RAP1GAP2: variants seen among roughly 807,000 people sequenced by gnomAD.
RAP1GAP2 encodes the protein RAP1 GTPase activating protein 2.
RAP1GAP2 carries 27 observed loss-of-function variants against 95.0 expected under a neutral mutation model. That is an observed-to-expected ratio of 0.28 (90% confidence interval 0.21 to 0.39). The LOEUF (loss-of-function observed/expected upper bound fraction) is 0.39. RAP1GAP2 is among the 10% of genes least tolerant of loss of function. The probability of loss-of-function intolerance (pLI) is 1.00; values close to 1 mark genes in which losing one functional copy is unlikely to be tolerated. For synonymous variants in RAP1GAP2, 373 were observed against 380.9 expected (o/e 0.98, Z 0.24); for missense variants, 771 against 970.0 (o/e 0.79, Z 2.72).
intron 20 of RAP1GAP2, 25 bp downstream of exon 20, chr17:3,026,146 C>A: frequency 6.4e-7 from 1 of 1,554,566 alleles, no homozygotes. Flanking sequence ...GTGGGAAAGG[C>A]CAGCTTCGGC....
intron 1 of RAP1GAP2, among the ~76,000 whole-genome samples, chr17:2,756,787 C>G (rs2071155987): frequency 6.6e-6 from 1 of 152,122 alleles, no homozygotes. Flanking sequence ...CAGGCACACA[C>G]TGAGAGGAAG....
chr17:2,771,226 G>A (rs952624395), intron 2 of RAP1GAP2, among the ~76,000 whole-genome samples: 1 of 151,990 alleles, frequency 6.6e-6, no homozygotes, highest in African/African-American at 2.4e-5. Flanking sequence ...TTCTTTGTCC[G>A]CCTCCTTTCC....
chr17:2,923,251 G>A (rs1451961527), intron 3 of RAP1GAP2, among the ~76,000 whole-genome samples: 12 of 151,952 alleles, frequency 7.9e-5, no homozygotes, highest in Admixed American at 7.9e-4. Flanking sequence ...TGTCGGCCAG[G>A]CTGGTCTCAA....
In RAP1GAP2 at chr17:3,006,047, A is replaced by G; in HGVS notation, c.1359+6A>G. ...ACAAGTTTGCAAAGCTGGAGGTGAG[A>G]GTGTGGTTTCTGAAGGTCTCCCTCC... On this transcript the variant is annotated splice_donor_region_variant and intron_variant, in intron 16 of 24. Transcript: ENST00000254695. The G allele has an allele frequency of 1.3e-6, 2 of 1,499,100 alleles. No individual in the cohort carries two copies. Among genetic ancestry groups the G allele is most frequent in the South Asian group, 1.1e-5 (1 of 89,282 alleles). The allele number at this position is 1,499,100 out of a possible 1,614,324, so 92.9% of individuals were successfully genotyped here.
At chr17:2,930,049 T>G (rs1174794206) in intron 3 of RAP1GAP2, among the ~76,000 whole-genome samples, 1 of 152,242 alleles carries the variant, frequency 6.6e-6, no homozygotes, top group East Asian at 1.9e-4. Flanking sequence ...GGCCATGGTG[T>G]GTCACCTGCC....
chr17:2,977,134 A>T, intron 8 of RAP1GAP2, among the ~76,000 whole-genome samples: 1 of 151,778 alleles, frequency 6.6e-6, no homozygotes, highest in South Asian at 2.1e-4. Context: ...AAAAAAAAAA[A>T]AAAGAAAAAA....
chr17:2,873,929 A>T (rs1597482422), intron 2 of RAP1GAP2, among the ~76,000 whole-genome samples: 1 of 149,402 alleles, frequency 6.7e-6, no homozygotes, highest in East Asian at 2.0e-4. Flanking sequence ...CGCCTGGCTA[A>T]TTCTGTATTT....
At chr17:2,988,016 T>C (rs1224471079) in intron 11 of RAP1GAP2, among the ~76,000 whole-genome samples, 1 of 152,214 alleles carries the variant, frequency 6.6e-6, no homozygotes, top group Non-Finnish European at 1.5e-5. Context: ...AGGCTGTTAC[T>C]GTTTGCAGAG....
intron 1 of RAP1GAP2, among the ~76,000 whole-genome samples, chr17:2,784,120 A>G (rs1198966456): frequency 2.0e-5 from 3 of 149,894 alleles, no homozygotes; most frequent in Non-Finnish European, 3.0e-5. Context: ...CTACAGGTCC[A>G]TGCCACCACG....
rs200280786 is a variant in RAP1GAP2, at chr17:2,822,638, T to G, written c.80+22088T>G. ...CCCTGTTTTTTTTTGTTTTTTTTTTTTTTTTTTTTTTTAAGAAAAGGTGGC... is the reference window on the plus strand; with the variant it reads ...CCCTGTTTTTTTTTGTTTTTTTTTTGTTTTTTTTTTTTAAGAAAAGGTGGC... On this transcript the variant is annotated intron_variant, in intron 2 of 24. Coordinates refer to ENST00000254695, the MANE Select transcript of RAP1GAP2 (RefSeq NM_015085.5). 1.3e-3 allele frequency among the ~76,000 whole-genome samples: 175 copies of G among 136,748 alleles called. 1 individual carries two copies. Among genetic ancestry groups the G allele is most frequent in the African/African-American group, 2.9e-3 (95 of 32,700 alleles). The allele number at this position is 136,748 out of a possible 152,430, so 89.7% of individuals were successfully genotyped here.
Position 3,004,362 on chromosome 17 carries a change from G to A in RAP1GAP2, c.1201-1007G>A, listed in dbSNP as rs1460585249. ...CTCTGGCAGGGCCTTTCCTTGGCTCGGTGCCCAGCTGCCTGCTCACCCGGC... is the reference window on the plus strand; with the variant it reads ...CTCTGGCAGGGCCTTTCCTTGGCTCAGTGCCCAGCTGCCTGCTCACCCGGC... On this transcript the variant is annotated intron_variant, in intron 14 of 24. Transcript: ENST00000254695. The surrounding 1 kb of genome is among the most constrained non-coding windows in gnomAD (Gnocchi z 4.1). Among the ~76,000 whole-genome samples, 1 of 152,332 alleles carries A rather than the reference G, an allele frequency of 6.6e-6. No individual in the cohort carries two copies. The highest frequency in any genetic ancestry group is 2.1e-4 in the South Asian group (1 of 4,834).
At chr17:2,848,484 ATC>A (rs147015751) in intron 2 of RAP1GAP2, among the ~76,000 whole-genome samples, 14,186 of 145,198 alleles carry the variant, frequency 0.098, 765 homozygotes, top group African/African-American at 0.14. Flanking sequence ...GTTTTCCTGC[ATC>A]TCTCTCTTTT....
At chr17:2,849,045 A>T (rs11657399) in intron 2 of RAP1GAP2, among the ~76,000 whole-genome samples, 2 of 151,764 alleles carry the variant, frequency 1.3e-5, no homozygotes, top group East Asian at 1.9e-4. Flanking sequence ...AGCGGGCTTC[A>T]GAGTGATATC....
intron 2 of RAP1GAP2, among the ~76,000 whole-genome samples, chr17:2,879,216 A>T (rs921226548): frequency 6.3e-4 from 96 of 151,636 alleles, no homozygotes; most frequent in African/African-American, 2.2e-3. Flanking sequence ...CCCCGGTTCA[A>T]GTGATTTTCC....
intron 1 of RAP1GAP2, among the ~76,000 whole-genome samples, chr17:2,762,904 G>A (rs1597264603): frequency 6.6e-6 from 1 of 151,846 alleles, no homozygotes; most frequent in South Asian, 2.1e-4. Flanking sequence ...TCGAACTCCC[G>A]GACTCAAGCA....
chr17:2,854,008 G>C, intron 2 of RAP1GAP2: 1 of 984,878 alleles, frequency 1.0e-6, no homozygotes, highest in Non-Finnish European at 1.2e-6. Flanking sequence ...GTCCCAGCCC[G>C]CGGGGAGGAG....
intron 2 of RAP1GAP2, among the ~76,000 whole-genome samples, chr17:2,860,594 C>CTTTTTTTT (rs561492877): frequency 2.1e-5 from 2 of 96,058 alleles, no homozygotes; most frequent in African/African-American, 4.4e-5. Flanking sequence ...ACTTATTTAT[C>CTTTTTTTT]TTTTTTTTTT....
chr17:3,025,548 G>A (rs1241369174), intron 19 of RAP1GAP2, among the ~76,000 whole-genome samples: 4 of 152,194 alleles, frequency 2.6e-5, no homozygotes, highest in East Asian at 1.9e-4. Context: ...CCAGGAGCTC[G>A]TATTCTAGTC....
intron 3 of RAP1GAP2, among the ~76,000 whole-genome samples, chr17:2,930,332 T>C (rs1456206604): frequency 2.0e-5 from 3 of 152,210 alleles, no homozygotes; most frequent in Non-Finnish European, 2.9e-5. Flanking sequence ...AGCTGCTCAC[T>C]GTGCCAGCTG....
Sources: gnomAD v4.1 joint callset for allele counts (sites outside exome capture counted in the v4.1 genomes callset) on GRCh38, gnomAD v4.1.1 for gene constraint, Gnocchi (gnomAD v3.1) non-coding constraint, MANE v1.5 for transcripts, NCBI Gene and HGNC (gene_info 2026-07-23, HGNC 2026-07-21) for gene names.